The following RIMS2 variants were observed in gnomAD, a reference collection of about 807,000 sequenced individuals.
RIMS2 encodes regulating synaptic membrane exocytosis protein 2.
A neutral mutation model predicts 174.4 loss-of-function variants in RIMS2; 59 were observed. The observed-to-expected ratio is 0.34, with a 90% CI of 0.27 to 0.42. The LOEUF (loss-of-function observed/expected upper bound fraction) is 0.42. Among genes scored for constraint, RIMS2 ranks in the 10% least tolerant of loss-of-function variants. The pLI is 1.00. For synonymous variants in RIMS2, 606 were observed against 572.5 expected, an observed-to-expected ratio of 1.06 and a Z score of -0.84; for missense variants, 1,620 against 1,666.3, an observed-to-expected ratio of 0.97 and a Z score of 0.48.
At chr8:104,190,743 T>C (rs1216496772) in intron 19 of RIMS2, among the ~76,000 whole-genome samples, 1 of 152,106 alleles carries the variant, frequency 6.6e-6, no homozygotes, top group Non-Finnish European at 1.5e-5. Context: ...TATGAGCATA[T>C]TGACCTTTTG....
chr8:103,637,121 C>T (rs142155239), intron 1 of RIMS2, among the ~76,000 whole-genome samples: 5 of 152,188 alleles, frequency 3.3e-5, no homozygotes, highest in South Asian at 2.1e-4. Flanking sequence ...TTCTGGCTTA[C>T]GGGCATAAAG....
intron 1 of RIMS2, among the ~76,000 whole-genome samples, chr8:103,685,356 T>G (rs887467846): frequency 3.3e-5 from 5 of 151,956 alleles, no homozygotes; most frequent in Non-Finnish European, 7.4e-5. Flanking sequence ...GTCCCAAACT[T>G]TTTAAAACAA....
At chr8:103,746,268 T>G (rs2097812654) in intron 2 of RIMS2, among the ~76,000 whole-genome samples, 1 of 151,680 alleles carries the variant, frequency 6.6e-6, no homozygotes, top group African/African-American at 2.4e-5. Context: ...TATGGGTTTA[T>G]TTCTGAACTC....
chr8:103,669,111 G>T (rs1336714557), intron 1 of RIMS2, among the ~76,000 whole-genome samples: 2 of 152,138 alleles, frequency 1.3e-5, no homozygotes, highest in African/African-American at 4.8e-5. Context: ...GGCTGGGGAG[G>T]CCTCACAATC....
At chr8:103,615,344 C>A (rs910886058) in intron 1 of RIMS2, among the ~76,000 whole-genome samples, 1 of 152,088 alleles carries the variant, frequency 6.6e-6, no homozygotes, top group Non-Finnish European at 1.5e-5. Context: ...AACAAAGATA[C>A]AACTTACCAG....
At chr8:103,568,952 GGT>G in intron 1 of RIMS2, 1 of 722,508 alleles carries the variant, frequency 1.4e-6, no homozygotes, top group Non-Finnish European at 2.4e-6. Flanking sequence ...GCGAGTTCAT[GGT>G]GTCTTACAGC....
At chr8:104,144,706 T>C (rs2098616448) in intron 19 of RIMS2, among the ~76,000 whole-genome samples, 1 of 152,204 alleles carries the variant, frequency 6.6e-6, no homozygotes, top group Admixed American at 6.5e-5. Context: ...AATAAAATTT[T>C]TCTGAACACA....
intron 2 of RIMS2, among the ~76,000 whole-genome samples, chr8:103,726,058 A>G (rs1479546953): frequency 6.6e-6 from 1 of 152,166 alleles, no homozygotes; most frequent in East Asian, 1.9e-4. Flanking sequence ...TATATACTGA[A>G]CAAATATCAT....
intron 1 of RIMS2, among the ~76,000 whole-genome samples, chr8:103,511,515 G>A (rs1826426427): frequency 6.6e-6 from 1 of 151,966 alleles, no homozygotes; most frequent in South Asian, 2.1e-4. Flanking sequence ...TTACTTTTTT[G>A]TAATTTTTTA....
intron 19 of RIMS2, among the ~76,000 whole-genome samples, chr8:104,059,028 C>T (rs1362387121): frequency 6.6e-6 from 1 of 151,448 alleles, no homozygotes; most frequent in Non-Finnish European, 1.5e-5. Context: ...GTTCTTTTGG[C>T]TTAGGATTGA....
intron 9 of RIMS2, among the ~76,000 whole-genome samples, chr8:103,919,811 G>C (rs985379224): frequency 6.6e-6 from 1 of 151,922 alleles, no homozygotes; most frequent in Non-Finnish European, 1.5e-5. Flanking sequence ...CTTTGGCTAC[G>C]TGCTAAATGA....
intron 2 of RIMS2, among the ~76,000 whole-genome samples, chr8:103,724,426 A>G (rs1320644836): frequency 6.6e-6 from 1 of 152,184 alleles, no homozygotes; most frequent in Non-Finnish European, 1.5e-5. Context: ...TTTATCACAT[A>G]TGCTGGAAAT....
intron 1 of RIMS2, among the ~76,000 whole-genome samples, chr8:103,672,881 C>A (rs188710898): frequency 2.4e-3 from 365 of 152,324 alleles, no homozygotes; most frequent in Non-Finnish European, 3.4e-3. Flanking sequence ...GAAGTTTCAT[C>A]TGAGACAAGG....
rs1234090294 is a variant in RIMS2 at position 103,793,977 on chromosome 8, GA to G, written c.698+27442del. On this transcript the variant is annotated intron_variant, in intron 3 of 23. Transcript: ENST00000504942. Reference sequence around the variant, plus strand: ...AACATTCCATGCTCATGGATAGGAAGAATCAATATCGTGAAAATGGCCATAC... The same window carrying G: ...AACATTCCATGCTCATGGATAGGAAGATCAATATCGTGAAAATGGCCATAC... Among the ~76,000 whole-genome samples the G allele has an allele frequency of 1.2e-4, 18 of 152,200 alleles. 1 individual carries two copies. The East Asian group carries it at 3.5e-3, about 29-fold the overall frequency.
chr8:103,910,311 A>G lies in RIMS2; in HGVS notation c.1692+110A>G. The stretch of plus-strand genomic sequence containing the variant: ...TGTATCTTTTTTTTTTTTTTATCCC[A>G]TACCTGTAGGGGACAGTCAAAAGGG... On this transcript the variant is annotated intron_variant, in intron 5 of 23. Transcript: ENST00000504942. 1.3e-6 allele frequency: 2 copies of G among 1,525,664 alleles called. No individual in the cohort carries two copies. The highest frequency in any genetic ancestry group is 1.1e-5 in the South Asian group (1 of 88,274). The allele number at this position is 1,525,664 out of a possible 1,614,324, so 94.5% of individuals were successfully genotyped here.
chr8:104,030,318 G>C (rs1418831740), intron 19 of RIMS2, among the ~76,000 whole-genome samples: 1 of 151,940 alleles, frequency 6.6e-6, no homozygotes, highest in African/African-American at 2.4e-5. Flanking sequence ...AGATCGTGTG[G>C]CTAAAATATT....
chr8:103,500,674 C>T (rs1819234569), upstream of RIMS2: 3 of 491,374 alleles, frequency 6.1e-6, no homozygotes, highest in Non-Finnish European at 1.1e-5. Flanking sequence ...GAAACATTTC[C>T]CGAAGCGCAC....
chr8:103,792,599 C>G (rs1219570859), intron 3 of RIMS2, among the ~76,000 whole-genome samples: 2 of 136,624 alleles, frequency 1.5e-5, no homozygotes, highest in Non-Finnish European at 3.1e-5. Context: ...GGTAGAGACA[C>G]AAAAAACCCT....
At chr8:104,168,398 C>T (rs1288574258) in intron 19 of RIMS2, among the ~76,000 whole-genome samples, 1 of 151,958 alleles carries the variant, frequency 6.6e-6, no homozygotes, top group African/African-American at 2.4e-5. Context: ...AAGTATATTC[C>T]TAAGTATTTT....
Sources: gnomAD v4.1 joint callset for allele counts (sites outside exome capture counted in the v4.1 genomes callset) on GRCh38, gnomAD v4.1.1 for gene constraint, MANE v1.5 for transcripts, NCBI Gene and HGNC (gene_info 2026-07-23, HGNC 2026-07-21) for gene names.